IGFBP7: variants seen among roughly 807,000 people sequenced by gnomAD.
IGFBP7 encodes the protein insulin-like growth factor-binding protein 7.
In IGFBP7, 31 loss-of-function variants were observed where a neutral mutation model predicts 29.4. That is an observed-to-expected ratio of 1.05 (90% CI 0.79 to 1.42). The LOEUF is 1.42. IGFBP7 is among the 40% of genes most tolerant of loss of function. The pLI is 0.00. For missense variants in IGFBP7, 393 were observed against 395.5 expected (o/e 0.99, Z 0.05); for synonymous variants, 172 against 174.9 (o/e 0.98, Z 0.13).
chr4:57,068,916 CT>C (rs1435737097), intron 1 of IGFBP7, among the ~76,000 whole-genome samples: 2 of 152,038 alleles, frequency 1.3e-5, no homozygotes, highest in Admixed American at 1.3e-4. Flanking sequence ...TTCTGTGAAG[CT>C]TTCCATGGCC....
At chr4:57,103,661 T>TTTC (rs1491190886) in intron 1 of IGFBP7, among the ~76,000 whole-genome samples, 112 of 1,872 alleles carry the variant, frequency 0.06, no homozygotes, top group African/African-American at 0.093. Context: ...TTTTCTTTTC[T>TTTC]TTTTTTTTTT....
In IGFBP7 at chr4:57,035,485, C is replaced by T. The variant is rs887985183; in HGVS notation, c.586-2174G>A. ...TTCTTTTTTTTTTGAGACAGAGTCTCGCTCTGTCACCCAGGGTGGAGTGCA... is the reference window on the plus strand; with the variant it reads ...TTCTTTTTTTTTTGAGACAGAGTCTTGCTCTGTCACCCAGGGTGGAGTGCA... On this transcript the variant is annotated intron_variant, in intron 2 of 4. Transcript: ENST00000295666. Among the ~76,000 whole-genome samples the T allele has an allele frequency of 1.2e-4, 18 of 152,110 alleles. 1 individual carries two copies. Among genetic ancestry groups the T allele is most frequent in the African/African-American group, 1.4e-4 (6 of 41,510 alleles).
chr4:57,065,203 C>T (rs1445001330), intron 1 of IGFBP7, among the ~76,000 whole-genome samples: 1 of 152,322 alleles, frequency 6.6e-6, no homozygotes, highest in South Asian at 2.1e-4. Flanking sequence ...GGTGCCGGCT[C>T]GCCCACAAGC....
intron 2 of IGFBP7, among the ~76,000 whole-genome samples, chr4:57,039,078 A>AAAAAAAAAAAAAAAAAAC (rs1724156951): frequency 6.6e-6 from 1 of 151,528 alleles, no homozygotes; most frequent in African/African-American, 2.4e-5. Flanking sequence ...AAAAAAAAAA[A>AAAAAAAAAAAAAAAAAAC]AAAAAAAAAA....
At chr4:57,031,732 A>G (rs532151404) in intron 4 of IGFBP7, among the ~76,000 whole-genome samples, 1 of 152,336 alleles carries the variant, frequency 6.6e-6, no homozygotes, top group East Asian at 1.9e-4. Flanking sequence ...GTTCTGTTTC[A>G]TTGCCTGACA....
At chr4:57,101,333 T>A (rs1725891991) in intron 1 of IGFBP7, among the ~76,000 whole-genome samples, 1 of 152,202 alleles carries the variant, frequency 6.6e-6, no homozygotes, top group African/African-American at 2.4e-5. Context: ...AACACAGGGT[T>A]CCTAGGTCTG....
intron 1 of IGFBP7, among the ~76,000 whole-genome samples, chr4:57,087,790 T>C (rs1476002067): frequency 6.6e-6 from 1 of 152,188 alleles, no homozygotes; most frequent in Admixed American, 6.5e-5. Context: ...TCCTGCTTGC[T>C]CCATTTCACA....
chr4:57,078,686 A>ATT (rs34999031), intron 1 of IGFBP7, among the ~76,000 whole-genome samples: 96 of 148,386 alleles, frequency 6.5e-4, no homozygotes, highest in East Asian at 2.6e-3. Context: ...TGAGTTTAGG[A>ATT]TTTTTTTTTT....
intron 1 of IGFBP7, among the ~76,000 whole-genome samples, chr4:57,043,682 C>T (rs954885977): frequency 1.3e-5 from 2 of 152,172 alleles, no homozygotes; most frequent in African/African-American, 2.4e-5. Flanking sequence ...TCCTTCCCTC[C>T]AAACCATAGG....
At chr4:57,105,426 T>A (rs1725999732) in intron 1 of IGFBP7, among the ~76,000 whole-genome samples, 1 of 152,198 alleles carries the variant, frequency 6.6e-6, no homozygotes, top group Non-Finnish European at 1.5e-5. Flanking sequence ...CATGCACTTA[T>A]CTAGGTCCTT....
chr4:57,047,797 C>A (rs908233503), intron 1 of IGFBP7, among the ~76,000 whole-genome samples: 1 of 152,136 alleles, frequency 6.6e-6, no homozygotes, highest in Non-Finnish European at 1.5e-5. Flanking sequence ...CACAGTGGTG[C>A]GAACATGGCT....
chr4:57,100,071 C>CTTTTT (rs10669251), intron 1 of IGFBP7, among the ~76,000 whole-genome samples: 10 of 115,716 alleles, frequency 8.6e-5, no homozygotes, highest in East Asian at 2.6e-4. Flanking sequence ...TCTTTTCTTT[C>CTTTTT]TTTTTTTTTT....
chr4:57,064,077 A>C lies in IGFBP7; in HGVS notation c.476-23144T>G, dbSNP rs188503274. On this transcript the variant is annotated intron_variant, in intron 1 of 4. Transcript: ENST00000295666. ...ACTGCAGGCCGGCATGATGGCTATC[A>C]CCTGTAATCCCAGCACTTTGGGAGG... is the stretch of plus-strand genomic sequence containing the variant. 3.7e-3 allele frequency among the ~76,000 whole-genome samples: 559 copies of C among 152,324 alleles called. 3 individuals are homozygous for C. The highest frequency in any genetic ancestry group is 0.013 in the African/African-American group (538 of 41,576).
intron 1 of IGFBP7, among the ~76,000 whole-genome samples, chr4:57,055,266 T>A (rs560484440): frequency 5.7e-4 from 87 of 152,160 alleles, no homozygotes; most frequent in African/African-American, 2.0e-3. Context: ...CTCATCTGGG[T>A]GTGTCGAAAA....
intron 1 of IGFBP7, among the ~76,000 whole-genome samples, chr4:57,069,667 A>AAAAC (rs751306191): frequency 7.2e-5 from 11 of 152,250 alleles, no homozygotes; most frequent in Non-Finnish European, 1.0e-4. Flanking sequence ...TATCTCTAAA[A>AAAAC]AAACAAACAA....
At chr4:57,100,552 C>T (rs1173250456) in intron 1 of IGFBP7, among the ~76,000 whole-genome samples, 1 of 152,210 alleles carries the variant, frequency 6.6e-6, no homozygotes, top group Non-Finnish European at 1.5e-5. Flanking sequence ...ACTTTGTTAT[C>T]ATACAGCATG....
rs57704332 is a variant in IGFBP7, at chr4:57,084,788, G to GTTTTTTTTTTTTT, written c.475+25076_475+25088dup. On this transcript the variant is annotated intron_variant, in intron 1 of 4. Coordinates refer to ENST00000295666, the MANE Select transcript of IGFBP7 (RefSeq NM_001553.3). ...CTTTTTACTCAGATGTTTAAAAAAG[G>GTTTTTTTTTTTTT]TTTTTTTTTTTTTTTTTTTTGGGAC... Among the ~76,000 whole-genome samples, 113 of 113,078 alleles carry GTTTTTTTTTTTTT rather than the reference G, an allele frequency of 1.0e-3. 11 individuals are homozygous for GTTTTTTTTTTTTT. Among genetic ancestry groups the GTTTTTTTTTTTTT allele is most frequent in the African/African-American group, 3.0e-3 (88 of 29,132 alleles). The allele number at this position is 113,078 out of a possible 152,430, so 74.2% of individuals were successfully genotyped here. A position where few individuals can be genotyped will look rare whatever the true frequency, so the allele number is the denominator to read the frequency against.
intron 1 of IGFBP7, among the ~76,000 whole-genome samples, chr4:57,102,880 A>AG (rs1223969590): frequency 6.6e-6 from 1 of 152,206 alleles, no homozygotes; most frequent in African/African-American, 2.4e-5. Flanking sequence ...GCAGACTCTT[A>AG]GGGAAGGTGA....
intron 1 of IGFBP7, among the ~76,000 whole-genome samples, chr4:57,070,260 T>C (rs534932372): frequency 6.6e-6 from 1 of 152,328 alleles, no homozygotes; most frequent in South Asian, 2.1e-4. Flanking sequence ...TAATGTCTTA[T>C]TAAGAAAGTA....
Sources: allele counts gnomAD v4.1 joint callset (sites outside exome capture counted in the v4.1 genomes callset), GRCh38; gene constraint gnomAD v4.1.1; transcripts MANE v1.5; gene names NCBI Gene and HGNC (gene_info 2026-07-23, HGNC 2026-07-21).